The following PRKD1 variants were observed in gnomAD, a reference collection of about 807,000 sequenced individuals.
PRKD1 encodes protein kinase D1, also known as serine/threonine-protein kinase D1.
In PRKD1, 63 loss-of-function variants were observed where a neutral mutation model predicts 95.9. The ratio of observed to expected loss-of-function variants is 0.66; its 90% confidence interval spans 0.54 to 0.81. The LOEUF (loss-of-function observed/expected upper bound fraction) is 0.81, where lower values mean the gene tolerates loss of function less well. Among genes scored for constraint, PRKD1 ranks in the 30% least tolerant of loss-of-function variants. PRKD1 has a pLI of 0.00. For missense variants in PRKD1, 1,048 were observed against 1,165.3 expected, an observed-to-expected ratio of 0.90 and a Z score of 1.47; for synonymous variants, 425 against 423.1, an observed-to-expected ratio of 1.00 and a Z score of -0.05.
At chr14:29,794,359 C>T (rs1889714515) in intron 1 of PRKD1, among the ~76,000 whole-genome samples, 1 of 151,804 alleles carries the variant, frequency 6.6e-6, no homozygotes, top group Non-Finnish European at 1.5e-5. Context: ...ATATAAAGTA[C>T]TCCTGCCCCT....
intron 1 of PRKD1, among the ~76,000 whole-genome samples, chr14:29,742,846 A>C (rs557299541): frequency 6.6e-6 from 1 of 152,224 alleles, no homozygotes; most frequent in Non-Finnish European, 1.5e-5. Context: ...ACCTTGTCAC[A>C]TAAGTTATTC....
chr14:29,732,006 T>C (rs1232761905), intron 1 of PRKD1, among the ~76,000 whole-genome samples: 1 of 152,000 alleles, frequency 6.6e-6, no homozygotes, highest in African/African-American at 2.4e-5. Flanking sequence ...GCCGAGTAGT[T>C]GGGATGGCAG....
chr14:29,624,212 G>A lies in PRKD1; in HGVS notation c.1845C>T (p.Asp615=). Residue 615 remains aspartate (D), a synonymous_variant, in exon 13 of 18, where the codon GAC becomes GAT. Coordinates refer to ENST00000331968, the MANE Select transcript of PRKD1 (RefSeq NM_002742.3). ...TGRDVAIKII[D]KLRFPTKQES... is the part of the protein sequence containing the mutation. ...CTTGTTTTGTTGGAAATCGTAATTTGTCAATGATTTTAATAGCTACATCTC... is the reference window on the plus strand; with the variant it reads ...CTTGTTTTGTTGGAAATCGTAATTTATCAATGATTTTAATAGCTACATCTC... The A allele has an allele frequency of 1.2e-6, 2 of 1,605,236 alleles. No individual in the cohort carries two copies.
chr14:29,922,076 C>T (rs951665609), intron 1 of PRKD1, among the ~76,000 whole-genome samples: 25 of 151,728 alleles, frequency 1.6e-4, no homozygotes, highest in African/African-American at 4.1e-4. Flanking sequence ...CCAAGGCGGG[C>T]GGATTACGAG....
intron 4 of PRKD1, among the ~76,000 whole-genome samples, chr14:29,659,843 T>C (rs1882093579): frequency 6.6e-6 from 1 of 152,196 alleles, no homozygotes; most frequent in Non-Finnish European, 1.5e-5. Flanking sequence ...GTGCTCTGAA[T>C]ATGAGTTTTT....
chr14:29,675,765 G>A (rs1883128252), intron 2 of PRKD1, among the ~76,000 whole-genome samples: 1 of 152,050 alleles, frequency 6.6e-6, no homozygotes, highest in African/African-American at 2.4e-5. Context: ...TTAAGAAAAT[G>A]TGGCACATAT....
intron 1 of PRKD1, among the ~76,000 whole-genome samples, chr14:29,845,910 A>G (rs1892060684): frequency 1.3e-5 from 2 of 152,206 alleles, no homozygotes; most frequent in South Asian, 4.1e-4. Flanking sequence ...TTTACAATCT[A>G]AAATGGGTTG....
chr14:29,840,923 C>T (rs1891816625), intron 1 of PRKD1, among the ~76,000 whole-genome samples: 3 of 152,168 alleles, frequency 2.0e-5, no homozygotes, highest in African/African-American at 2.4e-5. Flanking sequence ...ACAGCCAAAC[C>T]GTATCAGGGG....
At chr14:29,889,887 A>C (rs1032130965) in intron 1 of PRKD1, among the ~76,000 whole-genome samples, 2 of 152,220 alleles carry the variant, frequency 1.3e-5, no homozygotes, top group African/African-American at 4.8e-5. Context: ...AAAGTATAAT[A>C]ATAATTTAAA....
chr14:29,679,955 CACAG>C (rs1883446300), intron 2 of PRKD1, among the ~76,000 whole-genome samples: 1 of 151,908 alleles, frequency 6.6e-6, no homozygotes, highest in African/African-American at 2.4e-5. Context: ...TAGGTAGAAA[CACAG>C]TGGAATAAGG....
chr14:29,621,272 G>T (rs900838773), intron 13 of PRKD1, among the ~76,000 whole-genome samples: 5 of 151,566 alleles, frequency 3.3e-5, no homozygotes, highest in African/African-American at 1.2e-4. Context: ...CAGCACACCA[G>T]CATGGCACAT....
chr14:29,748,991 CAT>C (rs1887356987), intron 1 of PRKD1, among the ~76,000 whole-genome samples: 2 of 151,906 alleles, frequency 1.3e-5, no homozygotes, highest in Non-Finnish European at 2.9e-5. Flanking sequence ...CAAATGCACT[CAT>C]AGATAAAAGA....
intron 1 of PRKD1, among the ~76,000 whole-genome samples, chr14:29,852,184 G>C (rs1374042317): frequency 6.6e-6 from 1 of 152,042 alleles, no homozygotes; most frequent in Non-Finnish European, 1.5e-5. Context: ...TCAGCATCAT[G>C]TAATATACCC....
chr14:29,694,824 C>T (rs1349041081), intron 2 of PRKD1, among the ~76,000 whole-genome samples: 8 of 152,020 alleles, frequency 5.3e-5, no homozygotes, highest in Non-Finnish European at 1.2e-4. Flanking sequence ...CAAGGGCATT[C>T]CAGGTAAGGG....
chr14:29,881,159 A>G (rs1280280696), intron 1 of PRKD1, among the ~76,000 whole-genome samples: 1 of 152,172 alleles, frequency 6.6e-6, no homozygotes, highest in Non-Finnish European at 1.5e-5. Flanking sequence ...CAAAATCTCA[A>G]CTTGAATTGT....
chr14:29,829,513 C>A (rs1891322073), intron 1 of PRKD1, among the ~76,000 whole-genome samples: 1 of 152,040 alleles, frequency 6.6e-6, no homozygotes, highest in South Asian at 2.1e-4. Context: ...GCTTTTTAAA[C>A]CATAAGTATT....
chr14:29,896,911 T>C (rs796714427), intron 1 of PRKD1, among the ~76,000 whole-genome samples: 9 of 152,136 alleles, frequency 5.9e-5, no homozygotes, highest in African/African-American at 2.2e-4. Context: ...TATTATCCAA[T>C]AATGTAAGTG....
intron 1 of PRKD1, among the ~76,000 whole-genome samples, chr14:29,771,804 G>T (rs1275899437): frequency 2.6e-5 from 4 of 152,224 alleles, no homozygotes; most frequent in Non-Finnish European, 4.4e-5. Flanking sequence ...ACCCCAGTGT[G>T]CTGCAAAGGC....
At chr14:29,672,463 T>G (rs1354431464) in intron 2 of PRKD1, among the ~76,000 whole-genome samples, 1 of 152,104 alleles carries the variant, frequency 6.6e-6, no homozygotes, top group Admixed American at 6.5e-5. Context: ...AATTACCTGC[T>G]GAGCAAAAAG....
Sources: gnomAD v4.1 joint callset for allele counts (sites outside exome capture counted in the v4.1 genomes callset) on GRCh38, gnomAD v4.1.1 for gene constraint, MANE v1.5 for transcripts, NCBI Gene and HGNC (gene_info 2026-07-23, HGNC 2026-07-21) for gene names.